PTPRN2: variants seen among roughly 807,000 people sequenced by gnomAD.
The protein encoded by PTPRN2 is protein tyrosine phosphatase receptor type N2, also known as receptor-type tyrosine-protein phosphatase N2.
PTPRN2 carries 74 observed loss-of-function variants against 118.8 expected under a neutral mutation model. That is an observed-to-expected ratio of 0.62 (90% CI 0.52 to 0.76). PTPRN2 has a LOEUF of 0.76. Ranked by LOEUF, PTPRN2 falls within the 30% of genes least tolerant of loss-of-function variation. The pLI is 0.00. For missense variants in PTPRN2, 1,481 were observed against 1,394.4 expected, an observed-to-expected ratio of 1.06 and a Z score of -0.99; for synonymous variants, 641 against 608.0, an observed-to-expected ratio of 1.05 and a Z score of -0.80.
chr7:158,256,499 A>C (rs1004462505), intron 3 of PTPRN2, among the ~76,000 whole-genome samples: 1 of 152,144 alleles, frequency 6.6e-6, no homozygotes, highest in African/African-American at 2.4e-5. Flanking sequence ...CAGTTTTAGA[A>C]ATACACTAAG....
chr7:157,682,292 G>A (rs930385697), intron 13 of PTPRN2, among the ~76,000 whole-genome samples: 2 of 152,154 alleles, frequency 1.3e-5, no homozygotes, highest in African/African-American at 4.8e-5. Context: ...GCACAGGGTG[G>A]CAACTGGGCA....
At chr7:158,312,889 TGCA>T (rs781630998) in intron 3 of PTPRN2, among the ~76,000 whole-genome samples, 128 of 151,636 alleles carry the variant, frequency 8.4e-4, no homozygotes, top group Admixed American at 3.7e-3. Flanking sequence ...CATGTGTGTG[TGCA>T]GGTGTGCATG....
intron 10 of PTPRN2, among the ~76,000 whole-genome samples, chr7:158,087,667 A>AAGAG (rs1363936151): frequency 4.5e-4 from 66 of 146,372 alleles, no homozygotes; most frequent in Non-Finnish European, 7.4e-4. Flanking sequence ...CCCCTGATGA[A>AAGAG]GGAGGGAGTC....
chr7:158,443,229 C>T (rs1041202956), intron 2 of PTPRN2, among the ~76,000 whole-genome samples: 5 of 152,170 alleles, frequency 3.3e-5, no homozygotes, highest in African/African-American at 1.2e-4. Flanking sequence ...CCAAGCCCAT[C>T]TTCCGTGGCT....
At chr7:157,775,937 C>T (rs908300889) in intron 12 of PTPRN2, among the ~76,000 whole-genome samples, 12 of 151,998 alleles carry the variant, frequency 7.9e-5, no homozygotes, top group East Asian at 1.9e-4. Flanking sequence ...AGGAGACCGC[C>T]GCAAAATGCA....
intron 2 of PTPRN2, among the ~76,000 whole-genome samples, chr7:158,399,703 G>C (rs1001680912): frequency 6.6e-6 from 1 of 152,124 alleles, no homozygotes; most frequent in African/African-American, 2.4e-5. Flanking sequence ...GGGAATGGAA[G>C]GGGAGGGGAG....
At chr7:157,678,481 G>A (rs1796772370) in intron 13 of PTPRN2, among the ~76,000 whole-genome samples, 1 of 152,212 alleles carries the variant, frequency 6.6e-6, no homozygotes, top group South Asian at 2.1e-4. Context: ...CTCTTTGTCA[G>A]AACTCAGCTT....
At chr7:158,494,996 G>A (rs1026468233) in intron 1 of PTPRN2, among the ~76,000 whole-genome samples, 5 of 152,066 alleles carry the variant, frequency 3.3e-5, no homozygotes, top group African/African-American at 1.2e-4. Context: ...CCCTGTTACT[G>A]TCAGTCACTC....
At chr7:157,806,386 G>A (rs768381481) in intron 12 of PTPRN2, among the ~76,000 whole-genome samples, 2 of 152,090 alleles carry the variant, frequency 1.3e-5, no homozygotes, top group Non-Finnish European at 2.9e-5. Context: ...TCATGCATGT[G>A]TACAAAAATA....
At chr7:158,017,863 C>G (rs1563331957) in intron 11 of PTPRN2, among the ~76,000 whole-genome samples, 1 of 152,178 alleles carries the variant, frequency 6.6e-6, no homozygotes, top group East Asian at 1.9e-4. Flanking sequence ...TGAGGCTGTG[C>G]CCATCGGGGT....
chr7:158,404,182 TAA>T (rs1813173133), intron 2 of PTPRN2, among the ~76,000 whole-genome samples: 1 of 152,222 alleles, frequency 6.6e-6, no homozygotes, highest in African/African-American at 2.4e-5. Context: ...CCAAGGCTTA[TAA>T]GTGACCCTTT....
At chr7:158,336,650 C>CAT (rs770426497) in intron 2 of PTPRN2, among the ~76,000 whole-genome samples, 6,185 of 81,828 alleles carry the variant, frequency 0.076, 321 homozygotes, top group African/African-American at 0.18. Flanking sequence ...CACACCCACA[C>CAT]GTCACTCACA....
intron 11 of PTPRN2, among the ~76,000 whole-genome samples, chr7:158,013,096 G>T (rs1248762263): frequency 6.6e-6 from 1 of 152,174 alleles, no homozygotes; most frequent in Non-Finnish European, 1.5e-5. Context: ...GTGAACACCT[G>T]TAAGAATCTG....
intron 6 of PTPRN2, among the ~76,000 whole-genome samples, chr7:158,146,676 G>C (rs146443697): frequency 3.4e-5 from 5 of 146,712 alleles, no homozygotes; most frequent in Non-Finnish European, 6.0e-5. Flanking sequence ...AGCTGAGATC[G>C]CGCCACTGCA....
At chr7:157,832,359 T>C (rs9654707) in intron 12 of PTPRN2, among the ~76,000 whole-genome samples, 20,716 of 152,204 alleles carry the variant, frequency 0.14, 2,675 homozygotes, top group African/African-American at 0.33. Flanking sequence ...CACTAATCCA[T>C]GTTGGTCTGT....
At chr7:158,269,873 A>G (rs1263727788) in intron 3 of PTPRN2, among the ~76,000 whole-genome samples, 3 of 148,422 alleles carry the variant, frequency 2.0e-5, no homozygotes, top group South Asian at 4.2e-4. Context: ...GAGAGACAGA[A>G]AGAGACAGAG....
intron 2 of PTPRN2, among the ~76,000 whole-genome samples, chr7:158,332,828 C>T (rs1184971997): frequency 1.1e-4 from 17 of 149,860 alleles, no homozygotes; most frequent in African/African-American, 3.7e-4. Flanking sequence ...CACTTCTCAC[C>T]ATAAGAGGTG....
intron 1 of PTPRN2, among the ~76,000 whole-genome samples, chr7:158,567,642 T>C (rs1827740943): frequency 6.6e-6 from 1 of 152,118 alleles, no homozygotes; most frequent in African/African-American, 2.4e-5. Flanking sequence ...GGCGGGGACA[T>C]GGCCCTCGAG....
At chr7:158,543,230 T>C (rs1826092063) in intron 1 of PTPRN2, among the ~76,000 whole-genome samples, 1 of 152,158 alleles carries the variant, frequency 6.6e-6, no homozygotes, top group Non-Finnish European at 1.5e-5. Flanking sequence ...GAGCTCACCT[T>C]AGTGGGTTCA....
Sources: allele counts gnomAD v4.1 joint callset (sites outside exome capture counted in the v4.1 genomes callset), GRCh38; gene constraint gnomAD v4.1.1; transcripts MANE v1.5; gene names NCBI Gene and HGNC (gene_info 2026-07-23, HGNC 2026-07-21).